The following CLSTN1 variants were observed in gnomAD, a reference collection of about 807,000 sequenced individuals.
CLSTN1 encodes calsyntenin-1.
CLSTN1 carries 28 observed loss-of-function variants against 108.3 expected under a neutral mutation model. That is an observed-to-expected ratio of 0.26 (90% CI 0.19 to 0.35). The LOEUF is 0.35. Ranked by LOEUF, CLSTN1 falls within the 10% of genes least tolerant of loss-of-function variation. The probability of loss-of-function intolerance (pLI) is 1.00; values close to 1 mark genes in which losing one functional copy is unlikely to be tolerated. For synonymous variants in CLSTN1, 524 were observed against 534.9 expected (o/e 0.98, Z 0.28); for missense variants, 1,157 against 1,302.6 (o/e 0.89, Z 1.72).
intron 4 of CLSTN1, among the ~76,000 whole-genome samples, chr1:9,754,430 G>C (rs1387034845): frequency 1.3e-5 from 2 of 151,764 alleles, no homozygotes; most frequent in Admixed American, 1.3e-4. Context: ...GTGGTGGCAG[G>C]CACCTGTAAT....
chr1:9,757,071 C>A (rs992969411), intron 2 of CLSTN1, among the ~76,000 whole-genome samples: 43 of 151,826 alleles, frequency 2.8e-4, no homozygotes, highest in African/African-American at 1.0e-3. Flanking sequence ...AGCCCCCGTG[C>A]CCGGCAGGAT....
chr1:9,820,411 G>T (rs762121585), intron 1 of CLSTN1, among the ~76,000 whole-genome samples: 1 of 152,004 alleles, frequency 6.6e-6, no homozygotes, highest in Non-Finnish European at 1.5e-5. Flanking sequence ...CCCAGCTACT[G>T]GTGAGGCTGA....
At chr1:9,782,530 G>T (rs1278344149) in intron 1 of CLSTN1, among the ~76,000 whole-genome samples, 1 of 152,174 alleles carries the variant, frequency 6.6e-6, no homozygotes, top group African/African-American at 2.4e-5. Flanking sequence ...AGTGCAGGCT[G>T]TAGCTAGGCA....
rs57444592 is a variant in CLSTN1 at position 9,755,341 on chromosome 1, C to G, written c.245-32G>C. On this transcript the variant is annotated intron_variant, in intron 3 of 18. Coordinates refer to ENST00000377298, the MANE Select transcript of CLSTN1 (RefSeq NM_001009566.3). ...AGTCAAAGCAGAACAGGTAAGAATT[C>G]CTACCACATAGATCTTCTGCACCTT... The G allele has an allele frequency of 2.3e-3, 3,558 of 1,555,132 alleles. 65 individuals carry two copies. In the African/African-American group the frequency reaches 0.043, roughly 19 times the overall value.
At chr1:9,804,085 G>A (rs902487154) in intron 1 of CLSTN1, among the ~76,000 whole-genome samples, 6 of 151,696 alleles carry the variant, frequency 4.0e-5, no homozygotes, top group African/African-American at 9.7e-5. Flanking sequence ...GCGAGGGGCC[G>A]GGTACGGTGG....
At chr1:9,812,733 A>C (rs1237919283) in intron 1 of CLSTN1, among the ~76,000 whole-genome samples, 2 of 151,904 alleles carry the variant, frequency 1.3e-5, no homozygotes, top group Admixed American at 6.6e-5. Flanking sequence ...CTGTAATTCC[A>C]GCTACTCAGG....
intron 4 of CLSTN1, among the ~76,000 whole-genome samples, chr1:9,754,763 G>A (rs113355082): frequency 3.3e-5 from 5 of 152,174 alleles, no homozygotes; most frequent in African/African-American, 1.2e-4. Flanking sequence ...GTTGAGGCAG[G>A]AGAATCGCTT....
intron 1 of CLSTN1, among the ~76,000 whole-genome samples, chr1:9,808,553 T>C (rs1021153436): frequency 6.6e-6 from 1 of 152,014 alleles, no homozygotes; most frequent in African/African-American, 2.4e-5. Context: ...CAGGAAACAA[T>C]GTATCAAGAC....
chr1:9,743,893 C>T lies in CLSTN1; in HGVS notation c.1347G>A (p.Lys449=). 1.2e-6 allele frequency: 2 copies of T among 1,614,106 alleles called. No homozygotes were observed. Among genetic ancestry groups the T allele is most frequent in the Non-Finnish European group, 1.7e-6 (2 of 1,180,000 alleles). The part of the protein sequence containing the change: ...KKYRPAEFHW[K]LNQVCDEEWH... ...TTTTCAATTCACTCACCTGATTCAA[C>T]TTCCAGTGGAACTCTGCAGGTCTGT... The change falls in exon 9 of 19, where the codon AAG becomes AAA. Residue 449 remains lysine (K), a synonymous_variant. Coordinates refer to ENST00000377298, the MANE Select transcript of CLSTN1 (RefSeq NM_001009566.3).
At chr1:9,744,899 G>A (rs556283691) in intron 7 of CLSTN1, among the ~76,000 whole-genome samples, 2 of 152,022 alleles carry the variant, frequency 1.3e-5, no homozygotes, top group Non-Finnish European at 2.9e-5. Flanking sequence ...GATTACAGGC[G>A]CGCCCCATTA....
intron 1 of CLSTN1, among the ~76,000 whole-genome samples, chr1:9,785,080 T>A (rs965175383): frequency 1.7e-4 from 25 of 151,230 alleles, no homozygotes; most frequent in African/African-American, 5.8e-4. Flanking sequence ...CACTCCCAGC[T>A]AATTTTTGTT....
In CLSTN1 at chr1:9,796,553, A is replaced by G. The variant is rs891224504; in HGVS notation, c.92-23159T>C. On this transcript the variant is annotated intron_variant, in intron 1 of 18. Transcript: ENST00000377298. Reference sequence around the variant, plus strand: ...AAAAAAATTAGCCGGACGTGGTGGCAGGCGCCTGTAGTCCCAGCAACTCAG... The same window carrying G: ...AAAAAAATTAGCCGGACGTGGTGGCGGGCGCCTGTAGTCCCAGCAACTCAG... 2.9e-4 allele frequency among the ~76,000 whole-genome samples: 44 copies of G among 149,688 alleles called. 1 individual carries two copies. The highest frequency in any genetic ancestry group is 4.4e-4 in the African/African-American group (18 of 41,034).
intron 2 of CLSTN1, among the ~76,000 whole-genome samples, chr1:9,756,716 T>A (rs1405391506): frequency 6.6e-6 from 1 of 152,202 alleles, no homozygotes; most frequent in Non-Finnish European, 1.5e-5. Flanking sequence ...TGCATAATTC[T>A]GAAGTTATTA....
intron 2 of CLSTN1, among the ~76,000 whole-genome samples, chr1:9,769,548 C>T (rs1347479557): frequency 6.6e-6 from 1 of 152,168 alleles, no homozygotes; most frequent in East Asian, 1.9e-4. Context: ...AAAAGCCGTA[C>T]AGTGCATTTA....
At chr1:9,768,438 G>A (rs1452899865) in intron 2 of CLSTN1, among the ~76,000 whole-genome samples, 3 of 122,260 alleles carry the variant, frequency 2.5e-5, no homozygotes, top group Non-Finnish European at 1.7e-5. Flanking sequence ...GTGCTGGGCG[G>A]CACCAGGGGG....
Position 9,770,302 on chromosome 1 carries a change from A to G in CLSTN1, c.214+2970T>C, listed in dbSNP as rs1019886694. 2.6e-5 allele frequency among the ~76,000 whole-genome samples: 4 copies of G among 152,204 alleles called. No individual in the cohort carries two copies. In the South Asian group the frequency reaches 8.3e-4, roughly 31 times the overall value. On this transcript the variant is annotated intron_variant, in intron 2 of 18. Coordinates refer to ENST00000377298, the MANE Select transcript of CLSTN1 (RefSeq NM_001009566.3). ...GAGAATCTCTAAAAAATAAACTTGT[A>G]TAAGTATTATTTCATCTAGAATATC...
chr1:9,789,620 C>T lies in CLSTN1; in HGVS notation c.92-16226G>A, dbSNP rs188573426. 1.2e-4 allele frequency among the ~76,000 whole-genome samples: 18 copies of T among 151,618 alleles called. 1 individual carries two copies. In the East Asian group the frequency reaches 3.4e-3, roughly 28 times the overall value. On this transcript the variant is annotated intron_variant, in intron 1 of 18. Coordinates refer to ENST00000377298, the MANE Select transcript of CLSTN1 (RefSeq NM_001009566.3). ...CTTCCCCTCTCAATACCGCATCATA[C>T]ATCTCTAAAAGATAACAACTCTTTT... is the stretch of plus-strand genomic sequence containing the variant.
At chr1:9,763,624 A>T (rs190405125) in intron 2 of CLSTN1, among the ~76,000 whole-genome samples, 317 of 152,116 alleles carry the variant, frequency 2.1e-3, no homozygotes, top group African/African-American at 6.9e-3. Context: ...AGGAACCTGC[A>T]CTCTACACCA....
chr1:9,735,849 C>T lies in CLSTN1; in HGVS notation c.1734+36G>A, dbSNP rs778063748. The T allele has an allele frequency of 2.4e-5, 38 of 1,611,184 alleles. No homozygotes were observed. In the Middle Eastern group the frequency reaches 4.9e-4, roughly 21 times the overall value. On this transcript the variant is annotated intron_variant, in intron 12 of 18. Transcript: ENST00000377298. ...GCCTCCGGGGCTGTAGTCTAAGGGG[C>T]CCATGAGTGGTGTGCAGTCGAGCGC...
Sources: gnomAD v4.1 joint callset for allele counts (sites outside exome capture counted in the v4.1 genomes callset) on GRCh38, gnomAD v4.1.1 for gene constraint, MANE v1.5 for transcripts, NCBI Gene and HGNC (gene_info 2026-07-23, HGNC 2026-07-21) for gene names.